The following RBL2 variants were observed in gnomAD, a reference collection of about 807,000 sequenced individuals.
RBL2 encodes retinoblastoma-like protein 2.
RBL2 carries 56 observed loss-of-function variants against 126.0 expected under a neutral mutation model. That is an observed-to-expected ratio of 0.44 (90% CI 0.36 to 0.56). The LOEUF is 0.56. Among genes scored for constraint, RBL2 ranks in the 20% least tolerant of loss-of-function variants. RBL2 has a pLI of 0.00. For synonymous variants in RBL2, 454 were observed against 478.5 expected (o/e 0.95, Z 0.67); for missense variants, 1,229 against 1,398.2 (o/e 0.88, Z 1.93).
chr16:53,485,133 CAAGTGCAGAGAG>C lies in RBL2; in HGVS notation c.3249+3301_3249+3312del, dbSNP rs1961115085. Among the ~76,000 whole-genome samples, 11 of 152,228 alleles carry C rather than the reference CAAGTGCAGAGAG, an allele frequency of 7.2e-5. No homozygotes were observed. The South Asian group carries it at 2.3e-3, about 32-fold the overall frequency. ...ATTTATAGAACACTCTCTAACAAAT[CAAGTGCAGAGAG>C]AACATTTACCAACATAGACTACATT... On this transcript the variant is annotated intron_variant, in intron 21 of 21. Coordinates refer to ENST00000262133, the MANE Select transcript of RBL2 (RefSeq NM_005611.4).
intron 21 of RBL2, among the ~76,000 whole-genome samples, chr16:53,486,144 A>G (rs1252613087): frequency 6.7e-6 from 1 of 149,794 alleles, no homozygotes; most frequent in Non-Finnish European, 1.5e-5. Flanking sequence ...AAAAAAAAAA[A>G]AGCCAGGTGT....
intron 2 of RBL2, among the ~76,000 whole-genome samples, chr16:53,440,953 CTTTTTTTTTT>C (rs1178378934): frequency 1.5e-4 from 11 of 71,660 alleles, no homozygotes; most frequent in East Asian, 4.1e-4. Context: ...TTTTTCAGTT[CTTTTTTTTTT>C]TTTTTTTTTT....
intron 21 of RBL2, among the ~76,000 whole-genome samples, chr16:53,483,968 G>T (rs1289571688): frequency 2.0e-5 from 2 of 100,520 alleles, no homozygotes; most frequent in Non-Finnish European, 3.8e-5. Flanking sequence ...ACGTGCTTTG[G>T]AATGAATTTA....
intron 1 of RBL2, 68 bp from the exon 2 acceptor site, chr16:53,438,948 C>G: frequency 1.0e-6 from 1 of 985,602 alleles, no homozygotes; most frequent in Non-Finnish European, 1.3e-6. Flanking sequence ...TTTAAACATA[C>G]TTTTAAAAAT....
intron 2 of RBL2, 29 bp downstream of exon 2, chr16:53,439,175 G>T: frequency 3.2e-6 from 5 of 1,543,242 alleles, no homozygotes; most frequent in Non-Finnish European, 3.5e-6. Context: ...GACAAGTAGA[G>T]TATGGCTAAT....
At chr16:53,486,861 G>A (rs991537413) in intron 21 of RBL2, among the ~76,000 whole-genome samples, 2 of 152,164 alleles carry the variant, frequency 1.3e-5, no homozygotes, top group African/African-American at 2.4e-5. Flanking sequence ...GAACTAATAA[G>A]GGAGGTTATG....
rs1267383897 is a variant in RBL2, at chr16:53,464,307, G to A, written c.1642G>A (p.Gly548Arg). ...CGTCACTTTTTCTTATAAGCCTCCTGGGAATTTTCCATTTATTACTGAAAT... is the reference window on the plus strand; with the variant it reads ...CGTCACTTTTTCTTATAAGCCTCCTAGGAATTTTCCATTTATTACTGAAAT... Reference protein sequence around the residue: ...EVVTFSYKPPGNFPFITEIFD... With the variant: ...EVVTFSYKPPRNFPFITEIFD... The change falls in exon 12 of 22, where the codon GGG becomes AGG. Residue 548 changes from glycine (G) to arginine (R), a missense_variant. This residue lies in a region of RBL2 where 1,070 missense variants were observed against 1,274.3 expected (regional missense o/e 0.84). Transcript: ENST00000262133. 1.3e-6 allele frequency: 2 copies of A among 1,592,252 alleles called. No individual in the cohort carries two copies. Among genetic ancestry groups the A allele is most frequent in the East Asian group, 2.2e-5 (1 of 44,648 alleles).
intron 2 of RBL2, 69 bp downstream of exon 2, chr16:53,439,215 A>C (rs1391834910): frequency 7.6e-7 from 1 of 1,318,906 alleles, no homozygotes; most frequent in African/African-American, 1.5e-5. Flanking sequence ...TGATAGTAAG[A>C]ATTATCTCTG....
chr16:53,440,256 C>T (rs2058002404), intron 2 of RBL2, among the ~76,000 whole-genome samples: 1 of 152,130 alleles, frequency 6.6e-6, no homozygotes, highest in African/African-American at 2.4e-5. Flanking sequence ...TATTGCACTC[C>T]AGCCTGGGTG....
chr16:53,438,860 A>G (rs1191274665), intron 1 of RBL2, among the ~76,000 whole-genome samples, 156 bp from the exon 2 acceptor site: 1 of 148,476 alleles, frequency 6.7e-6, no homozygotes, highest in Non-Finnish European at 1.5e-5. Context: ...AAAAAAAAAA[A>G]AAAAAAAAAA....
chr16:53,474,297 A>T (rs973362295), intron 17 of RBL2, among the ~76,000 whole-genome samples: 1 of 125,950 alleles, frequency 7.9e-6, no homozygotes, highest in Non-Finnish European at 1.6e-5. Context: ...GGCTGCTGTA[A>T]TTCTTTTATT....
Position 53,482,862 on chromosome 16 carries a change from C to A in RBL2, c.3249+1027C>A, listed in dbSNP as rs539139640. ...TTAGAAATACACATATATATATGGCCTGAACTCTTCAAAAAAAGGTCAGTA... is the reference window on the plus strand; with the variant it reads ...TTAGAAATACACATATATATATGGCATGAACTCTTCAAAAAAAGGTCAGTA... On this transcript the variant is annotated intron_variant, in intron 21 of 21. Coordinates refer to ENST00000262133, the MANE Select transcript of RBL2 (RefSeq NM_005611.4). 8.6e-5 allele frequency among the ~76,000 whole-genome samples: 13 copies of A among 151,146 alleles called. No homozygotes were observed. In the East Asian group the frequency reaches 2.5e-3, roughly 29 times the overall value.
Position 53,453,433 on chromosome 16 carries a change from G to T in RBL2, c.767-19G>T. ...TATTGTGTGCTGATATCTCTGTTTT[G>T]TGATTCTATACACCATAGGCTTATC... On this transcript the variant is annotated intron_variant, in intron 5 of 21. Coordinates refer to ENST00000262133, the MANE Select transcript of RBL2 (RefSeq NM_005611.4). 1 of 1,591,528 alleles carries T rather than the reference G, an allele frequency of 6.3e-7. No homozygotes were observed. The highest frequency in any genetic ancestry group is 8.6e-7 in the Non-Finnish European group (1 of 1,165,380).
chr16:53,480,852 C>T, intron 20 of RBL2, 83 bp downstream of exon 20: 1 of 1,360,296 alleles, frequency 7.4e-7, no homozygotes, highest in Non-Finnish European at 1.0e-6. Flanking sequence ...GGACCATTCA[C>T]CTGGTCCGTA....
chr16:53,448,015 C>A (rs895730569), intron 4 of RBL2, among the ~76,000 whole-genome samples: 8 of 152,216 alleles, frequency 5.3e-5, no homozygotes, highest in Admixed American at 4.6e-4. Context: ...TATTATATAG[C>A]TTTCTTCTGT....
chr16:53,466,098 G>C (rs941871040), intron 13 of RBL2: 4 of 152,400 alleles, frequency 2.6e-5, no homozygotes, highest in African/African-American at 9.6e-5. Context: ...TTGGCTCACT[G>C]CCTAGCCTTC....
chr16:53,443,095 G>T, intron 3 of RBL2: 1 of 235,540 alleles, frequency 4.2e-6, no homozygotes, highest in Non-Finnish European at 8.0e-6. Flanking sequence ...ACTTTCATTT[G>T]TCTTATTTTA....
At chr16:53,473,515 C>G (rs1365618701) in intron 17 of RBL2, among the ~76,000 whole-genome samples, 1 of 150,484 alleles carries the variant, frequency 6.6e-6, no homozygotes, top group African/African-American at 2.4e-5. Context: ...GATCTAGTAT[C>G]CAGCAACTTT....
chr16:53,448,385 C>G (rs540390761), intron 4 of RBL2, among the ~76,000 whole-genome samples: 1 of 152,194 alleles, frequency 6.6e-6, no homozygotes, highest in Non-Finnish European at 1.5e-5. Flanking sequence ...CCTTGAACTC[C>G]TGACCTCGTG....
Sources: allele counts gnomAD v4.1 joint callset (sites outside exome capture counted in the v4.1 genomes callset), GRCh38; gene constraint gnomAD v4.1.1; regional missense constraint gnomAD v4.1.1; transcripts MANE v1.5; gene names NCBI Gene and HGNC (gene_info 2026-07-23, HGNC 2026-07-21).